Variants in PDE1C observed in about 807,000 individuals in gnomAD.
The protein encoded by PDE1C is phosphodiesterase 1C.
PDE1C carries 62 observed loss-of-function variants against 93.1 expected under a neutral mutation model. The ratio of observed to expected loss-of-function variants is 0.67; its 90% CI spans 0.54 to 0.82. The LOEUF is 0.82. Ranked by LOEUF, PDE1C falls within the 40% of genes least tolerant of loss-of-function variation. The probability of loss-of-function intolerance (pLI) is 0.00; values close to 1 mark genes in which losing one functional copy is unlikely to be tolerated. For missense variants in PDE1C, 742 were observed against 884.6 expected, an observed-to-expected ratio of 0.84 and a Z score of 2.04; for synonymous variants, 325 against 310.1, an observed-to-expected ratio of 1.05 and a Z score of -0.50.
At chr7:31,725,400 C>A in the PDE1C span, among the ~76,000 whole-genome samples, 7 of 152,152 alleles carry the variant, frequency 4.6e-5, no homozygotes, top group African/African-American at 1.7e-4. Context: ...ACCCAACCAA[C>A]TTTTTTGGCA....
intron 3 of PDE1C, among the ~76,000 whole-genome samples, chr7:32,167,708 G>A (rs778450825): frequency 3.0e-4 from 46 of 152,132 alleles, no homozygotes; most frequent in Non-Finnish European, 6.6e-4. Context: ...TTTGTATCTT[G>A]TTTGGTAAGA....
the PDE1C span, among the ~76,000 whole-genome samples, chr7:31,693,579 T>C: frequency 4.1e-3 from 632 of 152,332 alleles, 3 homozygotes; most frequent in African/African-American, 0.015. Context: ...AACACCGTTG[T>C]AGACTTAGCA....
At chr7:31,660,228 G>A in the PDE1C span, among the ~76,000 whole-genome samples, 2 of 152,150 alleles carry the variant, frequency 1.3e-5, no homozygotes, top group Non-Finnish European at 2.9e-5. Context: ...GCCTGAGAAC[G>A]GACTAATACA....
chr7:31,851,381 C>T (rs1001809994), intron 7 of PDE1C, among the ~76,000 whole-genome samples: 1 of 152,190 alleles, frequency 6.6e-6, no homozygotes, highest in Non-Finnish European at 1.5e-5. Flanking sequence ...AGCCCCACCC[C>T]AATCTCACTG....
intron 2 of PDE1C, among the ~76,000 whole-genome samples, chr7:32,030,561 C>T (rs1375923066): frequency 2.0e-5 from 3 of 152,032 alleles, no homozygotes; most frequent in Non-Finnish European, 2.9e-5. Flanking sequence ...AGACACATTA[C>T]CGCCAAAATA....
intron 6 of PDE1C, among the ~76,000 whole-genome samples, chr7:31,868,541 G>A (rs528898311): frequency 3.2e-4 from 49 of 152,176 alleles, no homozygotes; most frequent in African/African-American, 9.1e-4. Flanking sequence ...CCTATGTGGC[G>A]AATGGACCAC....
At chr7:31,626,211 A>T in the PDE1C span, among the ~76,000 whole-genome samples, 3 of 152,192 alleles carry the variant, frequency 2.0e-5, no homozygotes, top group African/African-American at 7.2e-5. Context: ...AAAGTTCTTT[A>T]AAAAAGAATC....
chr7:31,628,396 C>T, the PDE1C span, among the ~76,000 whole-genome samples: 4 of 152,080 alleles, frequency 2.6e-5, no homozygotes, highest in African/African-American at 4.8e-5. Flanking sequence ...AGCCAGGAAT[C>T]CCACATCTGT....
intron 1 of PDE1C, among the ~76,000 whole-genome samples, chr7:32,216,082 T>G (rs929781696): frequency 6.6e-6 from 1 of 152,200 alleles, no homozygotes; most frequent in Non-Finnish European, 1.5e-5. Flanking sequence ...AAGGTGAAGC[T>G]TGGAATTACC....
At chr7:31,673,676 C>G in the PDE1C span, among the ~76,000 whole-genome samples, 1 of 150,200 alleles carries the variant, frequency 6.7e-6, no homozygotes, top group Non-Finnish European at 1.5e-5. Flanking sequence ...CTATTTTAAC[C>G]TATCTGGAAT....
chr7:32,426,337 G>C (rs1482399660), intron 1 of PDE1C, among the ~76,000 whole-genome samples: 2 of 149,296 alleles, frequency 1.3e-5, no homozygotes, highest in Non-Finnish European at 3.0e-5. Flanking sequence ...GCAATGGCAT[G>C]ATCTCAGCTC....
chr7:31,967,612 A>G (rs1370979343), intron 2 of PDE1C, among the ~76,000 whole-genome samples: 1 of 152,232 alleles, frequency 6.6e-6, no homozygotes, highest in African/African-American at 2.4e-5. Flanking sequence ...TCTTTTTATG[A>G]GGCCAGCATC....
chr7:31,996,394 C>A lies in PDE1C; in HGVS notation c.128+55160G>T, dbSNP rs967844451. Reference sequence around the variant, plus strand: ...CAGCAGCTCTGATATAAAGTCTTTACACACTCAGAAAAATGCCTCTCTTAA... The same window carrying A: ...CAGCAGCTCTGATATAAAGTCTTTAAACACTCAGAAAAATGCCTCTCTTAA... On this transcript the variant is annotated intron_variant, in intron 2 of 17. Transcript: ENST00000396191. 3.9e-5 allele frequency among the ~76,000 whole-genome samples: 6 copies of A among 152,116 alleles called. No homozygotes were observed. In the East Asian group the frequency reaches 1.2e-3, roughly 29 times the overall value.
rs1380872386 is a variant in PDE1C, at chr7:31,847,300, C to T, written c.980+668G>A. On this transcript the variant is annotated intron_variant, in intron 9 of 17. Coordinates refer to ENST00000396191, the MANE Select transcript of PDE1C (RefSeq NM_001191057.4). Reference sequence around the variant, plus strand: ...GAGTCACTTCCCGAATGTCATACAGCTAGTAAGTGACTGAGTCCATATTCA... The same window carrying T: ...GAGTCACTTCCCGAATGTCATACAGTTAGTAAGTGACTGAGTCCATATTCA... Among the ~76,000 whole-genome samples the T allele has an allele frequency of 1.3e-5, 2 of 152,088 alleles. 1 individual carries two copies. Among genetic ancestry groups the T allele is most frequent in the Non-Finnish European group, 2.9e-5 (2 of 67,996 alleles).
chr7:32,282,954 AC>A (rs1032950148), intron 1 of PDE1C, among the ~76,000 whole-genome samples: 29 of 152,188 alleles, frequency 1.9e-4, no homozygotes, highest in African/African-American at 7.0e-4. Context: ...TCAACATGAA[AC>A]CTCAAACCTC....
At chr7:31,821,307 GTTTA>G (rs1239723860) in intron 14 of PDE1C, among the ~76,000 whole-genome samples, 3 of 152,082 alleles carry the variant, frequency 2.0e-5, no homozygotes, top group African/African-American at 4.8e-5. Context: ...ATTATTAGCT[GTTTA>G]TTTATCTGTT....
intron 2 of PDE1C, among the ~76,000 whole-genome samples, chr7:31,956,537 A>G (rs73310525): frequency 0.22 from 33,702 of 150,956 alleles, 4,814 homozygotes; most frequent in African/African-American, 0.41. Flanking sequence ...AGCATTCCTA[A>G]GCAAACAGGC....
intron 1 of PDE1C, among the ~76,000 whole-genome samples, chr7:32,333,637 C>T (rs768991134): frequency 6.6e-6 from 1 of 152,154 alleles, no homozygotes; most frequent in Non-Finnish European, 1.5e-5. Flanking sequence ...CTATGTACTC[C>T]TCCACAATTG....
chr7:32,223,996 A>G (rs1183545399), intron 1 of PDE1C, among the ~76,000 whole-genome samples: 9 of 152,032 alleles, frequency 5.9e-5, no homozygotes, highest in Non-Finnish European at 1.2e-4. Flanking sequence ...GAGCTGCTCC[A>G]CCTGCGGCCT....
Sources: allele counts gnomAD v4.1 joint callset (sites outside exome capture counted in the v4.1 genomes callset), GRCh38; gene constraint gnomAD v4.1.1; transcripts MANE v1.5; gene names NCBI Gene and HGNC (gene_info 2026-07-23, HGNC 2026-07-21).